Variants in PCDH15 observed in about 807,000 individuals in gnomAD.
PCDH15 encodes protocadherin related 15.
PCDH15 carries 129 observed loss-of-function variants against 178.5 expected under a neutral mutation model. That is an observed-to-expected ratio of 0.72 (90% CI 0.63 to 0.84). PCDH15 has a LOEUF of 0.84. PCDH15 is among the 40% of genes least tolerant of loss of function. PCDH15 has a pLI of 0.00. For missense variants in PCDH15, 2,230 were observed against 2,099.9 expected, an observed-to-expected ratio of 1.06 and a Z score of -1.21; for synonymous variants, 800 against 732.0, an observed-to-expected ratio of 1.09 and a Z score of -1.50.
intron 14 of PCDH15, among the ~76,000 whole-genome samples, chr10:54,143,438 G>C (rs932432453): frequency 6.6e-6 from 1 of 152,090 alleles, no homozygotes; most frequent in South Asian, 2.1e-4. Context: ...ATCAGCTACA[G>C]TCTAGGGATT....
intron 2 of PCDH15, among the ~76,000 whole-genome samples, chr10:55,573,213 T>C (rs926805038): frequency 6.6e-6 from 1 of 151,998 alleles, no homozygotes; most frequent in Non-Finnish European, 1.5e-5. Context: ...TGACAAAAAT[T>C]CTAAAAATGT....
intron 30 of PCDH15, 113 bp from the exon 31 acceptor site, chr10:53,828,686 CATA>C (rs2076848093): frequency 2.2e-6 from 2 of 907,884 alleles, no homozygotes; most frequent in Non-Finnish European, 3.5e-6. Context: ...ACGTTAAATT[CATA>C]ATGACAGAGT....
chr10:55,002,661 A>G (rs927663739), intron 2 of PCDH15, among the ~76,000 whole-genome samples: 1 of 23,442 alleles, frequency 4.3e-5, no homozygotes, highest in Non-Finnish European at 9.9e-5. Context: ...AAAAGGTGAC[A>G]ATCAAAATGG....
intron 1 of PCDH15, among the ~76,000 whole-genome samples, chr10:55,281,202 A>C (rs1191812461): frequency 6.6e-6 from 1 of 152,220 alleles, no homozygotes; most frequent in African/African-American, 2.4e-5. Context: ...TTCAGAGGTC[A>C]AGTTTAGTGT....
intron 23 of PCDH15, among the ~76,000 whole-genome samples, chr10:53,943,611 T>C (rs1218789185): frequency 3.3e-5 from 5 of 152,104 alleles, no homozygotes; most frequent in Non-Finnish European, 7.4e-5. Flanking sequence ...GAAATAATAC[T>C]AAAAAAAGTA....
Position 53,888,287 on chromosome 10 carries a change from TATAC to T in PCDH15, c.3501+14952_3501+14955del, listed in dbSNP as rs200176023. Among the ~76,000 whole-genome samples, 120 of 55,140 alleles carry T rather than the reference TATAC, an allele frequency of 2.2e-3. 6 individuals carry two copies. Among genetic ancestry groups the T allele is most frequent in the African/African-American group, 0.013 (110 of 8,602 alleles). The allele number at this position is 55,140 out of a possible 152,430, so 36.2% of individuals were successfully genotyped here. On this transcript the variant is annotated intron_variant, in intron 26 of 37. Transcript: ENST00000644397. ...TACAAATAAACATTCCAACACTATA[TATAC>T]ATATATATATATATATATGTATATA...
intron 13 of PCDH15, among the ~76,000 whole-genome samples, chr10:54,181,158 C>T (rs1209718040): frequency 1.3e-5 from 2 of 151,950 alleles, no homozygotes; most frequent in African/African-American, 2.4e-5. Context: ...CAATAATTGT[C>T]ATTCATTTAT....
intron 18 of PCDH15, among the ~76,000 whole-genome samples, chr10:54,044,517 G>A (rs942430927): frequency 3.3e-5 from 5 of 152,080 alleles, no homozygotes; most frequent in African/African-American, 1.2e-4. Flanking sequence ...GTAGAGGGTA[G>A]TGAATGTTGC....
At chr10:54,021,577 A>G (rs910190078) in intron 19 of PCDH15, among the ~76,000 whole-genome samples, 1 of 151,540 alleles carries the variant, frequency 6.6e-6, no homozygotes, top group African/African-American at 2.4e-5. Context: ...TTTCCCCCCA[A>G]CTACTTTGAA....
At chr10:55,174,027 T>C (rs1839413314) in intron 1 of PCDH15, among the ~76,000 whole-genome samples, 1 of 152,212 alleles carries the variant, frequency 6.6e-6, no homozygotes, top group African/African-American at 2.4e-5. Flanking sequence ...ATATTCAATT[T>C]TATAGACAAA....
At chr10:54,844,445 A>G (rs1246768343) in intron 3 of PCDH15, among the ~76,000 whole-genome samples, 2 of 151,886 alleles carry the variant, frequency 1.3e-5, no homozygotes, top group African/African-American at 4.8e-5. Context: ...TAGTGCTGAC[A>G]CATATATGCT....
intron 2 of PCDH15, among the ~76,000 whole-genome samples, chr10:54,570,951 C>G (rs2089754898): frequency 6.6e-6 from 1 of 151,784 alleles, no homozygotes; most frequent in African/African-American, 2.4e-5. Context: ...CAGGTGTGAG[C>G]CACTGTGCCC....
chr10:54,625,327 T>C (rs544318891), intron 2 of PCDH15, among the ~76,000 whole-genome samples: 1 of 152,272 alleles, frequency 6.6e-6, no homozygotes, highest in South Asian at 2.1e-4. Context: ...ACTACAAGTT[T>C]CCTAATGTAA....
intron 2 of PCDH15, among the ~76,000 whole-genome samples, chr10:55,497,221 C>A (rs748562187): frequency 6.6e-6 from 1 of 151,846 alleles, no homozygotes; most frequent in Non-Finnish European, 1.5e-5. Flanking sequence ...CCCAGACCTC[C>A]AGGTCTCAAG....
At chr10:55,591,372 C>T (rs964382275) in intron 2 of PCDH15, among the ~76,000 whole-genome samples, 2 of 151,952 alleles carry the variant, frequency 1.3e-5, no homozygotes, top group African/African-American at 4.8e-5. Flanking sequence ...GAGATGGAGG[C>T]TTCAGTGAGT....
Position 55,563,396 on chromosome 10 carries a change from G to A in PCDH15, c.-156+64229C>T, listed in dbSNP as rs1842238614. ...AGTGTATCATCAAGAAATGGTGCAG[G>A]TTCATGAAATACTAATAAAAGTCTT... is the stretch of plus-strand genomic sequence containing the variant. On this transcript the variant is annotated intron_variant, in intron 2 of 5. Coordinates refer to the PCDH15 transcript ENST00000613346. Among the ~76,000 whole-genome samples, 7 of 151,706 alleles carry A rather than the reference G, an allele frequency of 4.6e-5. No homozygotes were observed. In the South Asian group the frequency reaches 1.5e-3, roughly 32 times the overall value.
At chr10:55,522,781 G>T (rs942281250) in intron 2 of PCDH15, among the ~76,000 whole-genome samples, 1 of 151,664 alleles carries the variant, frequency 6.6e-6, no homozygotes, top group Non-Finnish European at 1.5e-5. Flanking sequence ...CATTTCTTTT[G>T]ATTGGAGAAT....
intron 20 of PCDH15, among the ~76,000 whole-genome samples, chr10:54,018,755 A>G (rs2092820015): frequency 6.6e-6 from 1 of 152,076 alleles, no homozygotes; most frequent in South Asian, 2.1e-4. Flanking sequence ...GCAACTAAAC[A>G]TTTATTAAAA....
intron 20 of PCDH15, among the ~76,000 whole-genome samples, chr10:54,009,185 A>G (rs905089884): frequency 6.6e-6 from 1 of 152,156 alleles, no homozygotes; most frequent in Non-Finnish European, 1.5e-5. Flanking sequence ...TTGAGTTCCT[A>G]TTTCCAAAGA....
Sources: allele counts gnomAD v4.1 joint callset (sites outside exome capture counted in the v4.1 genomes callset), GRCh38; gene constraint gnomAD v4.1.1; transcripts MANE v1.5; gene names NCBI Gene and HGNC (gene_info 2026-07-23, HGNC 2026-07-21).